Variants in COMMD10 observed in about 807,000 individuals in gnomAD.
COMMD10 encodes the protein COMM domain containing 10.
A neutral mutation model predicts 28.9 loss-of-function variants in COMMD10; 33 were observed. That is an observed-to-expected ratio of 1.14 (90% CI 0.87 to 1.53). COMMD10 has a LOEUF of 1.53. COMMD10 is among the 40% of genes most tolerant of loss of function. COMMD10 has a pLI of 0.00. For missense variants in COMMD10, 310 were observed against 233.4 expected (o/e 1.33, Z -2.14); for synonymous variants, 110 against 81.7 (o/e 1.35, Z -1.87).
intron 5 of COMMD10, among the ~76,000 whole-genome samples, chr5:116,195,003 A>G (rs1403899667): frequency 6.6e-6 from 1 of 152,152 alleles, no homozygotes; most frequent in African/African-American, 2.4e-5. Context: ...ATGCAGGTAT[A>G]GCTTAACATA....
At chr5:116,185,236 T>C (rs1421500258) in intron 5 of COMMD10, among the ~76,000 whole-genome samples, 1 of 128,218 alleles carries the variant, frequency 7.8e-6, no homozygotes. Flanking sequence ...ATTTTTACTT[T>C]TTTTTCAGTT....
chr5:116,278,750 C>T (rs552387735), intron 5 of COMMD10, among the ~76,000 whole-genome samples: 1 of 151,784 alleles, frequency 6.6e-6, no homozygotes, highest in African/African-American at 2.4e-5. Flanking sequence ...AAAGCATTTG[C>T]CTTAACCAGC....
intron 5 of COMMD10, among the ~76,000 whole-genome samples, chr5:116,157,173 T>C (rs184013350): frequency 2.6e-3 from 392 of 152,322 alleles, no homozygotes; most frequent in Non-Finnish European, 4.4e-3. Flanking sequence ...TTGCTCACTG[T>C]TTTTCAAGCT....
At chr5:116,289,838 A>T (rs2112717206) in intron 5 of COMMD10, among the ~76,000 whole-genome samples, 1 of 152,032 alleles carries the variant, frequency 6.6e-6, no homozygotes, top group East Asian at 1.9e-4. Context: ...TCAAGTTCTC[A>T]CAAGGGTATT....
At chr5:116,089,080 G>T (rs886790975) in intron 2 of COMMD10, among the ~76,000 whole-genome samples, 3 of 152,210 alleles carry the variant, frequency 2.0e-5, no homozygotes, top group African/African-American at 7.2e-5. Flanking sequence ...TGGATGGAGA[G>T]AAAGGAGAAA....
intron 2 of COMMD10, among the ~76,000 whole-genome samples, chr5:116,089,222 G>A (rs1328562786): frequency 6.6e-6 from 1 of 152,118 alleles, no homozygotes; most frequent in African/African-American, 2.4e-5. Context: ...TGAAAACATA[G>A]GTACTGTGGT....
intron 5 of COMMD10, among the ~76,000 whole-genome samples, chr5:116,203,193 A>C (rs1050286460): frequency 2.0e-5 from 3 of 152,136 alleles, no homozygotes; most frequent in African/African-American, 7.2e-5. Context: ...TTAGAGAAAA[A>C]AGAATAAAAA....
intron 5 of COMMD10, among the ~76,000 whole-genome samples, chr5:116,141,373 T>C (rs760728277): frequency 1.3e-5 from 2 of 151,906 alleles, no homozygotes; most frequent in Non-Finnish European, 2.9e-5. Context: ...CATCTAACTT[T>C]GTTTTACTTT....
At chr5:116,167,125 A>T (rs1753147316) in intron 5 of COMMD10, among the ~76,000 whole-genome samples, 1 of 150,580 alleles carries the variant, frequency 6.6e-6, no homozygotes, top group South Asian at 2.1e-4. Context: ...GGAATTGCTA[A>T]TTAAAATAAC....
chr5:116,198,427 C>T (rs1580541705), intron 5 of COMMD10, among the ~76,000 whole-genome samples: 1 of 152,064 alleles, frequency 6.6e-6, no homozygotes, highest in East Asian at 1.9e-4. Flanking sequence ...ATAGAGATCC[C>T]CCGTATATTC....
rs920447957 is a variant in COMMD10 at position 116,261,987 on chromosome 5, C to G, written c.511-29530C>G. On this transcript the variant is annotated intron_variant, in intron 5 of 6. Coordinates refer to ENST00000274458, the MANE Select transcript of COMMD10 (RefSeq NM_016144.4). ...TTTACATGTCATATGATCTTTAACA[C>G]AATCCTTAGAGATCTAAGTTTGTAT... 9.9e-5 allele frequency among the ~76,000 whole-genome samples: 15 copies of G among 151,692 alleles called. 1 individual carries two copies. Among genetic ancestry groups the G allele is most frequent in the African/African-American group, 3.4e-4 (14 of 41,120 alleles).
intron 5 of COMMD10, among the ~76,000 whole-genome samples, chr5:116,192,294 A>G (rs1748392499): frequency 1.4e-5 from 2 of 143,690 alleles, no homozygotes; most frequent in Admixed American, 6.9e-5. Context: ...CTAGTTCACA[A>G]GCAGTGGATC....
At chr5:116,245,882 T>A (rs148400118) in intron 5 of COMMD10, among the ~76,000 whole-genome samples, 12 of 152,112 alleles carry the variant, frequency 7.9e-5, no homozygotes, top group Admixed American at 1.3e-4. Context: ...AACATCATAC[T>A]GAATGAGCAA....
At chr5:116,252,396 T>A (rs1441148696) in intron 5 of COMMD10, among the ~76,000 whole-genome samples, 8 of 138,380 alleles carry the variant, frequency 5.8e-5, no homozygotes, top group African/African-American at 2.2e-4. Context: ...CTGAATGGTA[T>A]TGCCTAGGTT....
chr5:116,268,201 C>G (rs1750649332), intron 5 of COMMD10, among the ~76,000 whole-genome samples: 2 of 151,878 alleles, frequency 1.3e-5, no homozygotes, highest in Admixed American at 6.6e-5. Flanking sequence ...ATCTACCCAT[C>G]TGACAAAGGG....
intron 5 of COMMD10, among the ~76,000 whole-genome samples, chr5:116,251,555 G>C (rs970565632): frequency 1.3e-5 from 2 of 148,986 alleles, no homozygotes; most frequent in Admixed American, 1.4e-4. Context: ...TGGTTTTTTT[G>C]TTCTTGCGAT....
chr5:116,290,322 TAAAG>T (rs1172872964), intron 5 of COMMD10, among the ~76,000 whole-genome samples: 2 of 151,914 alleles, frequency 1.3e-5, no homozygotes, highest in Non-Finnish European at 2.9e-5. Flanking sequence ...ATATCATTCT[TAAAG>T]GAAGAGGCTT....
intron 4 of COMMD10, among the ~76,000 whole-genome samples, chr5:116,107,506 G>A (rs1052946633): frequency 2.1e-4 from 32 of 152,086 alleles, no homozygotes; most frequent in African/African-American, 7.2e-4. Flanking sequence ...TGAAGTTCTC[G>A]TGCTGTGTTT....
chr5:116,191,738 C>A (rs1025432648), intron 5 of COMMD10, among the ~76,000 whole-genome samples: 1 of 151,982 alleles, frequency 6.6e-6, no homozygotes, highest in African/African-American at 2.4e-5. Context: ...TGCATATAAT[C>A]TTGGGAGTTC....
Sources: allele counts gnomAD v4.1 joint callset (sites outside exome capture counted in the v4.1 genomes callset), GRCh38; gene constraint gnomAD v4.1.1; transcripts MANE v1.5; gene names NCBI Gene and HGNC (gene_info 2026-07-23, HGNC 2026-07-21).